PRKD1: variants seen among roughly 807,000 people sequenced by gnomAD.
The protein encoded by PRKD1 is serine/threonine-protein kinase D1.
A neutral mutation model predicts 95.9 loss-of-function variants in PRKD1; 63 were observed. The observed-to-expected ratio is 0.66, with a 90% CI of 0.54 to 0.81. The LOEUF (loss-of-function observed/expected upper bound fraction) is 0.81. Among genes scored for constraint, PRKD1 ranks in the 30% least tolerant of loss-of-function variants. PRKD1 has a pLI of 0.00. For missense variants in PRKD1, 1,048 were observed against 1,165.3 expected (o/e 0.90, Z 1.47); for synonymous variants, 425 against 423.1 (o/e 1.00, Z -0.05).
chr14:29,801,706 T>A (rs1244164301), intron 1 of PRKD1, among the ~76,000 whole-genome samples: 1 of 152,090 alleles, frequency 6.6e-6, no homozygotes, highest in Non-Finnish European at 1.5e-5. Context: ...TTTTTTTTTT[T>A]AGATGGAGTT....
chr14:29,682,890 G>A (rs1361059923), intron 2 of PRKD1, among the ~76,000 whole-genome samples: 9 of 152,200 alleles, frequency 5.9e-5, no homozygotes, highest in Admixed American at 5.9e-4. Context: ...GCAGTTGAAG[G>A]AGTGTCAGTC....
intron 16 of PRKD1, among the ~76,000 whole-genome samples, chr14:29,586,354 C>T (rs1227561852): frequency 2.6e-5 from 4 of 152,304 alleles, no homozygotes; most frequent in South Asian, 2.1e-4. Flanking sequence ...CAAATAACTA[C>T]AGACTGGAGC....
chr14:29,643,382 A>AT (rs1193249697), intron 4 of PRKD1, among the ~76,000 whole-genome samples: 2 of 152,154 alleles, frequency 1.3e-5, no homozygotes, highest in Non-Finnish European at 2.9e-5. Flanking sequence ...ATGAAGATCA[A>AT]TTTTTTTAAG....
At chr14:29,837,208 T>C (rs1275299206) in intron 1 of PRKD1, among the ~76,000 whole-genome samples, 1 of 152,134 alleles carries the variant, frequency 6.6e-6, no homozygotes, top group Non-Finnish European at 1.5e-5. Flanking sequence ...AGGTGTTTTT[T>C]TTAAAGAATT....
intron 1 of PRKD1, among the ~76,000 whole-genome samples, chr14:29,872,671 A>G (rs1241648462): frequency 6.6e-6 from 1 of 151,190 alleles, no homozygotes; most frequent in African/African-American, 2.4e-5. Flanking sequence ...AAAAAAAAAA[A>G]GAAAAAAAAA....
At position 29,709,898 on chromosome 14, in the gene PRKD1, G is replaced by A. The variant is rs537861641; in HGVS notation, c.403+15638C>T. On this transcript the variant is annotated intron_variant, in intron 2 of 17. Coordinates refer to ENST00000331968, the MANE Select transcript of PRKD1 (RefSeq NM_002742.3). ...CAGAAACACCCTCACAGACACACCG[G>A]GAATAACCTTTAACCAAACTCCATG... Among the ~76,000 whole-genome samples, 452 of 151,890 alleles carry A rather than the reference G, an allele frequency of 3.0e-3. 1 individual carries two copies. The highest frequency in any genetic ancestry group is 5.5e-3 in the Non-Finnish European group (372 of 67,964).
intron 2 of PRKD1, among the ~76,000 whole-genome samples, chr14:29,700,974 ATGCGCGCGCGCGCG>A (rs1286457668): frequency 5.1e-5 from 2 of 39,344 alleles, no homozygotes; most frequent in South Asian, 1.1e-3. Flanking sequence ...ACGCGTGCGC[ATGCGCGCGCGCGCG>A]CACACACACA....
intron 4 of PRKD1, among the ~76,000 whole-genome samples, chr14:29,663,157 A>G (rs1047132599): frequency 7.0e-6 from 1 of 143,842 alleles, no homozygotes; most frequent in Non-Finnish European, 1.5e-5. Flanking sequence ...CCATATATAT[A>G]TATATATATA....
intron 1 of PRKD1, among the ~76,000 whole-genome samples, chr14:29,730,539 T>C (rs760285089): frequency 3.3e-5 from 5 of 152,122 alleles, no homozygotes; most frequent in Admixed American, 1.3e-4. Flanking sequence ...TCCGGAGGAA[T>C]TGAAGTGAGG....
rs190759739 is a variant in PRKD1 at position 29,906,479 on chromosome 14, A to G, written c.264+20770T>C. ...CTTGAGCCCAGGAGGTCAAGGCTGC[A>G]GTGAGCCATGATTGCACGTCCCAGG... On this transcript the variant is annotated intron_variant, in intron 1 of 17. Coordinates refer to ENST00000331968, the MANE Select transcript of PRKD1 (RefSeq NM_002742.3). 6.6e-4 allele frequency among the ~76,000 whole-genome samples: 101 copies of G among 152,226 alleles called. No individual in the cohort carries two copies. The Middle Eastern group carries it at 0.01, about 15-fold the overall frequency.
At chr14:29,891,896 T>C (rs116594900) in intron 1 of PRKD1, among the ~76,000 whole-genome samples, 9 of 152,260 alleles carry the variant, frequency 5.9e-5, no homozygotes, top group African/African-American at 2.2e-4. Context: ...AATCTAAATA[T>C]TTTATTACAA....
At chr14:29,696,902 G>A (rs954096845) in intron 2 of PRKD1, among the ~76,000 whole-genome samples, 1 of 152,098 alleles carries the variant, frequency 6.6e-6, no homozygotes, top group African/African-American at 2.4e-5. Flanking sequence ...TGACTGTATT[G>A]AACAGAGGAA....
intron 1 of PRKD1, among the ~76,000 whole-genome samples, chr14:29,857,300 C>G (rs1352843706): frequency 1.3e-5 from 2 of 152,156 alleles, no homozygotes; most frequent in African/African-American, 4.8e-5. Context: ...CATTTGCAAC[C>G]ACCCAGCTTA....
At chr14:29,761,924 C>T (rs949182941) in intron 1 of PRKD1, among the ~76,000 whole-genome samples, 2 of 151,760 alleles carry the variant, frequency 1.3e-5, no homozygotes, top group African/African-American at 4.8e-5. Flanking sequence ...TGGTATTATG[C>T]CACCAAGACT....
At chr14:29,676,177 GTTTTTGTTTTTT>G (rs1274432321) in intron 2 of PRKD1, among the ~76,000 whole-genome samples, 7 of 104,758 alleles carry the variant, frequency 6.7e-5, no homozygotes, top group African/African-American at 2.9e-4. Flanking sequence ...AGTTCATTAC[GTTTTTGTTTTTT>G]TTTTTTTTTT....
At chr14:29,692,351 A>G (rs1482889223) in intron 2 of PRKD1, among the ~76,000 whole-genome samples, 1 of 152,144 alleles carries the variant, frequency 6.6e-6, no homozygotes, top group African/African-American at 2.4e-5. Flanking sequence ...TAAATACAAA[A>G]TTAAATGCCC....
rs1594473870 is a variant in PRKD1, at chr14:29,739,142, T to A, written c.265-13468A>T. Among the ~76,000 whole-genome samples, 3 of 152,310 alleles carry A rather than the reference T, an allele frequency of 2.0e-5. No individual in the cohort carries two copies. In the East Asian group the frequency reaches 5.8e-4, roughly 29 times the overall value. On this transcript the variant is annotated intron_variant, in intron 1 of 17. Coordinates refer to ENST00000331968, the MANE Select transcript of PRKD1 (RefSeq NM_002742.3). Reference sequence around the variant, plus strand: ...TGAGCCACTGTGTGGCCCCAATGCTTCTTTTGTAAAGGAATGCCTAACACC... The same window carrying A: ...TGAGCCACTGTGTGGCCCCAATGCTACTTTTGTAAAGGAATGCCTAACACC...
chr14:29,832,450 T>C (rs1251336746), intron 1 of PRKD1, among the ~76,000 whole-genome samples: 1 of 152,186 alleles, frequency 6.6e-6, no homozygotes, highest in African/African-American at 2.4e-5. Context: ...GTTATGTATG[T>C]TGTTTTCCTT....
chr14:29,790,007 C>CTTTTTTTTT (rs34880091), intron 1 of PRKD1, among the ~76,000 whole-genome samples: 1 of 97,310 alleles, frequency 1.0e-5, no homozygotes, highest in East Asian at 3.4e-4. Flanking sequence ...AGCAAGTTGT[C>CTTTTTTTTT]TTTTTTTTTT....
Sources: gnomAD v4.1 joint callset for allele counts (sites outside exome capture counted in the v4.1 genomes callset) on GRCh38, gnomAD v4.1.1 for gene constraint, MANE v1.5 for transcripts, NCBI Gene and HGNC (gene_info 2026-07-23, HGNC 2026-07-21) for gene names.